The following TELO2 variants were observed in gnomAD, a reference collection of about 807,000 sequenced individuals.
TELO2 encodes the protein telomere maintenance 2.
Under a neutral mutation model 91.0 loss-of-function variants are expected in TELO2, and 71 were observed. That is an observed-to-expected ratio of 0.78 (90% CI 0.64 to 0.95). TELO2 has a LOEUF of 0.95. Ranked by LOEUF, TELO2 falls within the 40% of genes least tolerant of loss-of-function variation. The pLI is 0.00. For missense variants in TELO2, 1,183 were observed against 1,141.3 expected (o/e 1.04, Z -0.53); for synonymous variants, 584 against 518.9 (o/e 1.13, Z -1.71).
chr16:1,502,502 T>A lies in TELO2; in HGVS notation c.1653+98T>A. Reference sequence around the variant, plus strand: ...CTGAGGGTGACATATGGCTCCCGTGTGTGACAGGGCTGCTGCCTCTCCCGG... The same window carrying A: ...CTGAGGGTGACATATGGCTCCCGTGAGTGACAGGGCTGCTGCCTCTCCCGG... On this transcript the variant is annotated intron_variant, in intron 13 of 20. Coordinates refer to ENST00000262319, the MANE Select transcript of TELO2 (RefSeq NM_016111.4). The A allele has an allele frequency of 2.0e-6, 3 of 1,503,956 alleles. No individual in the cohort carries two copies. In the East Asian group the frequency reaches 6.8e-5, roughly 34 times the overall value. 93.2% of individuals were successfully genotyped at this position (1,503,956 alleles called of 1,614,324 possible).
chr16:1,507,850 GTGTGTGTGTGT>G, intron 20 of TELO2, 134 bp downstream of exon 20: 1 of 18,754 alleles, frequency 5.3e-5, no homozygotes, highest in Non-Finnish European at 9.2e-5. Flanking sequence ...TTGGCCCGGG[GTGTGTGTGTGT>G]GTGTGTGTGT....
chr16:1,498,358 A>G (rs1356462956), intron 5 of TELO2, among the ~76,000 whole-genome samples: 1 of 152,084 alleles, frequency 6.6e-6, no homozygotes. Context: ...TGTGTGTTTA[A>G]GGCATTTGTA....
At position 1,505,167 on chromosome 16, in the gene TELO2, C is replaced by T. The variant is rs984564420; in HGVS notation, c.1843-243C>T. The T allele has an allele frequency of 7.1e-5, 36 of 508,046 alleles. No individual in the cohort carries two copies. Among genetic ancestry groups the T allele is most frequent in the African/African-American group, 1.3e-4 (7 of 52,380 alleles). The allele number at this position is 508,046 out of a possible 1,614,324, so 31.5% of individuals were successfully genotyped here. A position where few individuals can be genotyped will look rare whatever the true frequency, so the allele number is the denominator to read the frequency against. On this transcript the variant is annotated intron_variant, in intron 15 of 20. Transcript: ENST00000262319. The surrounding 1 kb of genome is among the most constrained non-coding windows in gnomAD (Gnocchi z 4.3). Reference sequence around the variant, plus strand: ...ACTGCGTGGCTTTAGGATGAGGCTGCGCTCGGCCCTGGGCGTGTTCTCATC... The same window carrying T: ...ACTGCGTGGCTTTAGGATGAGGCTGTGCTCGGCCCTGGGCGTGTTCTCATC...
At chr16:1,498,160 G>A (rs1356233120) in intron 5 of TELO2, among the ~76,000 whole-genome samples, 2 of 151,762 alleles carry the variant, frequency 1.3e-5, no homozygotes, top group Non-Finnish European at 1.5e-5. Context: ...GACTACAGGC[G>A]CCCGCCACCA....
intron 5 of TELO2, 135 bp from the exon 6 acceptor site, chr16:1,499,096 T>A: frequency 1.2e-6 from 1 of 819,418 alleles, no homozygotes; most frequent in South Asian, 1.6e-5. Flanking sequence ...AGTCGGAGGA[T>A]GGAACCAGAG....
rs1449618507 is a variant in TELO2, at chr16:1,505,686, G to A, written c.2034+85G>A. On this transcript the variant is annotated intron_variant, in intron 16 of 20. Coordinates refer to ENST00000262319, the MANE Select transcript of TELO2 (RefSeq NM_016111.4). This position sits in a 1 kb window ranked among gnomAD's most constrained non-coding sequence, Gnocchi z 4.3. Reference sequence around the variant, plus strand: ...GGTCAGACACCTCCAGGCGCTGTCTGCAGCGAGGGGCGGCCACATTCGCTG... The same window carrying A: ...GGTCAGACACCTCCAGGCGCTGTCTACAGCGAGGGGCGGCCACATTCGCTG... The A allele has an allele frequency of 2.8e-6, 4 of 1,453,904 alleles. No homozygotes were observed. Among genetic ancestry groups the A allele is most frequent in the South Asian group, 1.3e-5 (1 of 75,794 alleles). The allele number at this position is 1,453,904 out of a possible 1,614,324, so 90.1% of individuals were successfully genotyped here. A position where few individuals can be genotyped will look rare whatever the true frequency, so the allele number is the denominator to read the frequency against.
intron 12 of TELO2, 67 bp downstream of exon 12, chr16:1,502,202 C>T: frequency 1.3e-6 from 2 of 1,596,486 alleles, no homozygotes; most frequent in East Asian, 2.3e-5. Flanking sequence ...CTGGTTCTGC[C>T]TCAAGGGGCC....
rs780422271 is a variant in TELO2, at chr16:1,509,824, T to G, written c.2408-6T>G. 1.9e-6 allele frequency: 3 copies of G among 1,609,706 alleles called. No individual in the cohort carries two copies. Among genetic ancestry groups the G allele is most frequent in the African/African-American group, 2.7e-5 (2 of 74,860 alleles). Reference sequence around the variant, plus strand: ...CTCAGCTTTGCTTGTCACTCTCGTCTGGCAGACGTGGCTGAGAAAGACCCG... The same window carrying G: ...CTCAGCTTTGCTTGTCACTCTCGTCGGGCAGACGTGGCTGAGAAAGACCCG... On this transcript the variant is annotated splice_polypyrimidine_tract_variant and splice_region_variant and intron_variant, in intron 20 of 20. Transcript: ENST00000262319.
intron 5 of TELO2, among the ~76,000 whole-genome samples, chr16:1,498,490 T>C (rs1371554803): frequency 6.6e-6 from 1 of 152,112 alleles, no homozygotes. Context: ...CAGGCTGCAG[T>C]GCAGTGGTGT....
At chr16:1,502,252 G>A (rs758174741) in intron 12 of TELO2, 61 bp from the exon 13 acceptor site, 1 of 1,566,368 alleles carries the variant, frequency 6.4e-7, no homozygotes. Context: ...CCGTGCTGCT[G>A]GCTCTCATGG....
Position 1,509,950 on chromosome 16 carries a change from C to A in TELO2, c.*14C>A. On this transcript the variant is annotated 3_prime_UTR_variant, in exon 21 of 21. Coordinates refer to ENST00000262319, the MANE Select transcript of TELO2 (RefSeq NM_016111.4). Reference sequence around the variant, plus strand: ...GCGTCTCCCTAGTCCCTGGAGGCCTCCCCAGGACCACCCTCGCCGACAGCA... The same window carrying A: ...GCGTCTCCCTAGTCCCTGGAGGCCTACCCAGGACCACCCTCGCCGACAGCA... 1 of 1,576,174 alleles carries A rather than the reference C, an allele frequency of 6.3e-7. No individual in the cohort carries two copies. Among genetic ancestry groups the A allele is most frequent in the Non-Finnish European group, 8.6e-7 (1 of 1,161,092 alleles).
rs539182583 is a variant in TELO2, at chr16:1,505,313, G to GC, written c.1843-92dup. ...ACACACCTTCTCCCAGGCTGGGCGG[G>GC]CCCCCGGGCCCGTTTCTGGGGCTTT... On this transcript the variant is annotated intron_variant, in intron 15 of 20. Transcript: ENST00000262319. This position sits in a 1 kb window ranked among gnomAD's most constrained non-coding sequence, Gnocchi z 4.3. The GC allele has an allele frequency of 1.8e-4, 253 of 1,419,676 alleles. No individual in the cohort carries two copies. The African/African-American group carries it at 3.2e-3, about 18-fold the overall frequency. 87.9% of individuals were successfully genotyped at this position (1,419,676 alleles called of 1,614,324 possible).
Position 1,494,716 on chromosome 16 carries a change from G to A in TELO2, c.335+100G>A. ...AGAGCCTCTCTAGTCCCTGTGAGGG[G>A]CTAGAGAGAGAGCCTGCTCCTGGCT... On this transcript the variant is annotated intron_variant, in intron 2 of 20. Transcript: ENST00000262319. This position sits in a 1 kb window ranked among gnomAD's most constrained non-coding sequence, Gnocchi z 5.6. The A allele has an allele frequency of 1.4e-5, 17 of 1,232,116 alleles. No individual in the cohort carries two copies. The highest frequency in any genetic ancestry group is 1.8e-5 in the Non-Finnish European group (16 of 904,840). 76.3% of individuals were successfully genotyped at this position (1,232,116 alleles called of 1,614,324 possible). A position where few individuals can be genotyped will look rare whatever the true frequency, so the allele number is the denominator to read the frequency against.
chr16:1,495,052 G>A (rs1480253468), intron 2 of TELO2, among the ~76,000 whole-genome samples: 1 of 152,236 alleles, frequency 6.6e-6, no homozygotes, highest in East Asian at 1.9e-4. Flanking sequence ...TGGGTTTTCA[G>A]AGGTTGCTGT....
At chr16:1,504,668 C>G (rs1451609182) in intron 15 of TELO2, among the ~76,000 whole-genome samples, 1 of 149,470 alleles carries the variant, frequency 6.7e-6, no homozygotes, top group African/African-American at 2.5e-5. Context: ...CGCCATTCTC[C>G]TGCCTCAGCC....
At chr16:1,506,657 G>A (rs377572526) in intron 17 of TELO2, 73 of 1,372,874 alleles carry the variant, frequency 5.3e-5, no homozygotes, top group Middle Eastern at 2.8e-4. Flanking sequence ...CTGGCCCCAC[G>A]TTCAGGGCGT....
Position 1,505,709 on chromosome 16 carries a change from C to T in TELO2, c.2034+108C>T. On this transcript the variant is annotated intron_variant, in intron 16 of 20. Coordinates refer to ENST00000262319, the MANE Select transcript of TELO2 (RefSeq NM_016111.4). This position sits in a 1 kb window ranked among gnomAD's most constrained non-coding sequence, Gnocchi z 4.3. ...CTGCAGCGAGGGGCGGCCACATTCG[C>T]TGGGGATGGTGCCTTTGCCGGGATT... 7.5e-7 allele frequency: 1 copy of T among 1,336,582 alleles called. No homozygotes were observed. The highest frequency in any genetic ancestry group is 1.4e-5 in the South Asian group (1 of 70,674). 82.8% of individuals were successfully genotyped at this position (1,336,582 alleles called of 1,614,324 possible). A position where few individuals can be genotyped will look rare whatever the true frequency, so the allele number is the denominator to read the frequency against.
chr16:1,509,974 C>T lies in TELO2; in HGVS notation c.*38C>T. On this transcript the variant is annotated 3_prime_UTR_variant, in exon 21 of 21. Transcript: ENST00000262319. ...TCCCCAGGACCACCCTCGCCGACAG[C>T]AAGGCAGGCGGCTGAGCAGCGGCCT... 1.3e-6 allele frequency: 2 copies of T among 1,536,226 alleles called. No individual in the cohort carries two copies. Among genetic ancestry groups the T allele is most frequent in the Non-Finnish European group, 1.8e-6 (2 of 1,132,832 alleles).
intron 3 of TELO2, among the ~76,000 whole-genome samples, chr16:1,496,801 G>A (rs967739878): frequency 5.9e-5 from 9 of 152,204 alleles, no homozygotes; most frequent in African/African-American, 1.9e-4. Flanking sequence ...CTACACCATC[G>A]TGACGATTAA....
Sources: gnomAD v4.1 joint callset for allele counts (sites outside exome capture counted in the v4.1 genomes callset) on GRCh38, gnomAD v4.1.1 for gene constraint, Gnocchi (gnomAD v3.1) non-coding constraint, MANE v1.5 for transcripts, NCBI Gene and HGNC (gene_info 2026-07-23, HGNC 2026-07-21) for gene names.